DIRAS2: variants seen among roughly 807,000 people sequenced by gnomAD.
DIRAS2 encodes the protein GTP-binding protein Di-Ras2.
A neutral mutation model predicts 13.9 loss-of-function variants in DIRAS2; 5 were observed. That is an observed-to-expected ratio of 0.36 (90% CI 0.19 to 0.76). The LOEUF (loss-of-function observed/expected upper bound fraction) is 0.76, where lower values mean the gene tolerates loss of function less well. Among genes scored for constraint, DIRAS2 ranks in the 30% least tolerant of loss-of-function variants. The pLI is 0.53. For synonymous variants in DIRAS2, 111 were observed against 105.4 expected (o/e 1.05, Z -0.33); for missense variants, 191 against 263.0 (o/e 0.73, Z 1.89).
chr9:90,633,270 C>T (rs1825343122), intron 1 of DIRAS2, among the ~76,000 whole-genome samples: 1 of 152,178 alleles, frequency 6.6e-6, no homozygotes, highest in East Asian at 1.9e-4. Flanking sequence ...GTGACATCAA[C>T]AGCAACTAGT....
chr9:90,616,698 C>T (rs893517500), intron 1 of DIRAS2, among the ~76,000 whole-genome samples: 15 of 146,170 alleles, frequency 1.0e-4, no homozygotes, highest in Non-Finnish European at 1.8e-4. Flanking sequence ...GATCATGCCA[C>T]CGCACTCCAG....
At chr9:90,636,320 G>A (rs1008918340) in intron 1 of DIRAS2, among the ~76,000 whole-genome samples, 1 of 152,120 alleles carries the variant, frequency 6.6e-6, no homozygotes, top group East Asian at 1.9e-4. Context: ...TTATAGGCGT[G>A]AGCTACCTGC....
At chr9:90,625,876 C>G (rs1426214807) in intron 1 of DIRAS2, 1 of 151,898 alleles carries the variant, frequency 6.6e-6, no homozygotes, top group African/African-American at 2.4e-5. Context: ...AGGGCATTAC[C>G]AAGAAAATTA....
At chr9:90,621,100 GA>G (rs1327797441) in intron 1 of DIRAS2, among the ~76,000 whole-genome samples, 9 of 152,130 alleles carry the variant, frequency 5.9e-5, no homozygotes, top group African/African-American at 2.2e-4. Context: ...GTTAAATAAA[GA>G]CTGAGAAAAT....
chr9:90,613,067 T>C lies in DIRAS2; in HGVS notation c.*161A>G. ...GACTCCAGAGTGGGTGGCTTACTGTTGGTGGTGTGAAACGCCCTCTTAAGG... is the reference window on the plus strand; with the variant it reads ...GACTCCAGAGTGGGTGGCTTACTGTCGGTGGTGTGAAACGCCCTCTTAAGG... On this transcript the variant is annotated 3_prime_UTR_variant, in exon 2 of 2. Coordinates refer to ENST00000375765, the MANE Select transcript of DIRAS2 (RefSeq NM_017594.5). This position sits in a 1 kb window ranked among gnomAD's most constrained non-coding sequence, Gnocchi z 5.6. 1 of 1,015,348 alleles carries C rather than the reference T, an allele frequency of 9.8e-7. No homozygotes were observed. The highest frequency in any genetic ancestry group is 1.4e-6 in the Non-Finnish European group (1 of 708,442). 62.9% of individuals were successfully genotyped at this position (1,015,348 alleles called of 1,614,324 possible). A position where few individuals can be genotyped will look rare whatever the true frequency, so the allele number is the denominator to read the frequency against.
chr9:90,619,268 C>T (rs1463445471), intron 1 of DIRAS2, among the ~76,000 whole-genome samples: 3 of 151,582 alleles, frequency 2.0e-5, no homozygotes, highest in African/African-American at 4.9e-5. Flanking sequence ...GGTGAAACCC[C>T]GTCTCTACTG....
chr9:90,612,930 C>G lies in DIRAS2; in HGVS notation c.*298G>C. On this transcript the variant is annotated 3_prime_UTR_variant, in exon 2 of 2. Coordinates refer to ENST00000375765, the MANE Select transcript of DIRAS2 (RefSeq NM_017594.5). The stretch of plus-strand genomic sequence containing the variant: ...ACATGTTGCTTTGTGGGTACCAGTC[C>G]TCCCTCCCACCTTCGGGTGTTCATC... The G allele has an allele frequency of 2.5e-6, 1 of 399,490 alleles. No individual in the cohort carries two copies. Among genetic ancestry groups the G allele is most frequent in the Non-Finnish European group, 4.6e-6 (1 of 215,620 alleles). The allele number at this position is 399,490 out of a possible 1,614,324, so 24.7% of individuals were successfully genotyped here.
rs181380913 is a variant in DIRAS2, at chr9:90,611,214, C to T, written c.*2014G>A. 10 of 152,244 alleles carry T rather than the reference C, an allele frequency of 6.6e-5. No homozygotes were observed. Among genetic ancestry groups the T allele is most frequent in the African/African-American group, 9.6e-5 (4 of 41,558 alleles). 9.4% of individuals were successfully genotyped at this position (152,244 alleles called of 1,614,324 possible). A position where few individuals can be genotyped will look rare whatever the true frequency, so the allele number is the denominator to read the frequency against. On this transcript the variant is annotated 3_prime_UTR_variant, in exon 2 of 2. Transcript: ENST00000375765. ...AATCCGCCAACTAAAGATCTCATTG[C>T]GAATGCTGTGCAACAGCTTTTTAGA...
At chr9:90,623,841 A>T (rs1030613692) in intron 1 of DIRAS2, among the ~76,000 whole-genome samples, 4 of 152,222 alleles carry the variant, frequency 2.6e-5, no homozygotes, top group Admixed American at 6.5e-5. Flanking sequence ...GCTGCTCAAG[A>T]CCAACCTGGG....
chr9:90,630,951 A>G (rs1486815087), intron 1 of DIRAS2, among the ~76,000 whole-genome samples: 1 of 152,234 alleles, frequency 6.6e-6, no homozygotes, highest in Non-Finnish European at 1.5e-5. Context: ...TTAACTCTCC[A>G]ATCAGCACAA....
chr9:90,623,474 A>AT (rs1272416052), intron 1 of DIRAS2, among the ~76,000 whole-genome samples: 1 of 145,990 alleles, frequency 6.8e-6, no homozygotes. Flanking sequence ...GATTAAGAAA[A>AT]TAAAAAAAAA....
intron 1 of DIRAS2, among the ~76,000 whole-genome samples, chr9:90,621,205 C>T (rs1309966852): frequency 6.6e-6 from 1 of 151,924 alleles, no homozygotes; most frequent in East Asian, 1.9e-4. Context: ...GCTAGAAAGA[C>T]AAGAAATGTA....
At chr9:90,628,522 TAC>T (rs71360439) in intron 1 of DIRAS2, among the ~76,000 whole-genome samples, 65,302 of 149,060 alleles carry the variant, frequency 0.44, 14,329 homozygotes, top group South Asian at 0.57. Context: ...ACAAAATTTA[TAC>T]ACACACACAC....
chr9:90,620,521 C>T (rs1206335831), intron 1 of DIRAS2, among the ~76,000 whole-genome samples: 1 of 152,138 alleles, frequency 6.6e-6, no homozygotes, highest in Non-Finnish European at 1.5e-5. Context: ...TTTTGGGAGG[C>T]TGAGGCAGGT....
intron 1 of DIRAS2, among the ~76,000 whole-genome samples, chr9:90,634,696 T>A (rs572750242): frequency 1.3e-5 from 2 of 152,308 alleles, no homozygotes; most frequent in South Asian, 2.1e-4. Flanking sequence ...GAGTCCCAGT[T>A]GGTCCAATGA....
intron 1 of DIRAS2, chr9:90,626,135 A>ATTGTGCCAC (rs1825266360): frequency 6.7e-6 from 1 of 149,590 alleles, no homozygotes; most frequent in African/African-American, 2.5e-5. Context: ...GTGAGCCGAG[A>ATTGTGCCAC]TTGTGCCACT....
At chr9:90,616,903 TA>T (rs1351467257) in intron 1 of DIRAS2, among the ~76,000 whole-genome samples, 3 of 152,168 alleles carry the variant, frequency 2.0e-5, no homozygotes, top group Non-Finnish European at 4.4e-5. Context: ...AAGTATACAT[TA>T]CGCCCCACTT....
Position 90,613,303 on chromosome 9 carries a change from ACT to A in DIRAS2, c.523_524del (p.Leu176ProfsTer44). On this transcript the variant is annotated frameshift_variant, in exon 2 of 2. Transcript: ENST00000375765. LOFTEE classifies it high-confidence loss of function. The surrounding 1 kb of genome is among the most constrained non-coding windows in gnomAD (Gnocchi z 5.6). The stretch of plus-strand genomic sequence containing the variant: ...TGCTCTTTTTCCCGTCGATCTGGAG[ACT>A]CACGGTCCTGCGCTTCTCCAGGTTG... ...LLNLEKRRTV[S>X]LQIDGKKSKQ... 1 of 1,613,390 alleles carries A rather than the reference ACT, an allele frequency of 6.2e-7. No homozygotes were observed. The highest frequency in any genetic ancestry group is 8.5e-7 in the Non-Finnish European group (1 of 1,179,910).
At chr9:90,632,836 C>T (rs1422314920) in intron 1 of DIRAS2, among the ~76,000 whole-genome samples, 2 of 152,236 alleles carry the variant, frequency 1.3e-5, no homozygotes, top group Admixed American at 6.5e-5. Context: ...TTTGCTGTAA[C>T]ATGTGTTTCT....
Sources: gnomAD v4.1 joint callset for allele counts (sites outside exome capture counted in the v4.1 genomes callset) on GRCh38, gnomAD v4.1.1 for gene constraint, Gnocchi (gnomAD v3.1) non-coding constraint, MANE v1.5 for transcripts, NCBI Gene and HGNC (gene_info 2026-07-23, HGNC 2026-07-21) for gene names.